Variants in CSMD2 observed in about 807,000 individuals in gnomAD.
The protein encoded by CSMD2 is CUB and Sushi multiple domains 2.
Under a neutral mutation model 398.5 loss-of-function variants are expected in CSMD2, and 130 were observed. That is an observed-to-expected ratio of 0.33 (90% CI 0.28 to 0.38). The LOEUF (loss-of-function observed/expected upper bound fraction) is 0.38. Among genes scored for constraint, CSMD2 ranks in the 10% least tolerant of loss-of-function variants. CSMD2 has a pLI of 1.00. For missense variants in CSMD2, 3,829 were observed against 4,764.9 expected, an observed-to-expected ratio of 0.80 and a Z score of 5.78; for synonymous variants, 1,828 against 1,908.5, an observed-to-expected ratio of 0.96 and a Z score of 1.10.
At chr1:33,671,802 G>A (rs370856586) in intron 25 of CSMD2, among the ~76,000 whole-genome samples, 25 of 152,270 alleles carry the variant, frequency 1.6e-4, no homozygotes, top group South Asian at 1.5e-3. Context: ...GCAGGGGCCC[G>A]TCCCTCTCAA....
intron 25 of CSMD2, among the ~76,000 whole-genome samples, chr1:33,684,989 T>C (rs1287007504): frequency 6.6e-6 from 1 of 152,356 alleles, no homozygotes; most frequent in South Asian, 2.1e-4. Flanking sequence ...CAAAGCAAAA[T>C]TGATTTCCCA....
chr1:33,527,286 CA>C (rs770321719), intron 64 of CSMD2, 28 bp from the exon 65 acceptor site: 2 of 1,593,194 alleles, frequency 1.3e-6, no homozygotes, highest in Non-Finnish European at 1.7e-6. Context: ...TGGAAGAAAA[CA>C]GGTTCAGCTT....
chr1:33,952,912 C>T (rs1034194280), intron 3 of CSMD2, among the ~76,000 whole-genome samples: 1 of 152,154 alleles, frequency 6.6e-6, no homozygotes, highest in Non-Finnish European at 1.5e-5. Context: ...GATTGTCAGC[C>T]ATATGTTTAC....
At chr1:33,854,798 C>T (rs577978987) in intron 5 of CSMD2, among the ~76,000 whole-genome samples, 6 of 152,320 alleles carry the variant, frequency 3.9e-5, no homozygotes, top group African/African-American at 7.2e-5. Context: ...TCCAGATGCA[C>T]GGCTCTCTGG....
chr1:33,938,957 G>C (rs1339422153), intron 3 of CSMD2, among the ~76,000 whole-genome samples: 1 of 151,674 alleles, frequency 6.6e-6, no homozygotes, highest in Non-Finnish European at 1.5e-5. Flanking sequence ...ATCCCATGCT[G>C]CTGGCTTAGT....
intron 3 of CSMD2, among the ~76,000 whole-genome samples, chr1:33,965,253 A>C (rs1321562398): frequency 6.6e-6 from 1 of 152,174 alleles, no homozygotes; most frequent in Non-Finnish European, 1.5e-5. Flanking sequence ...CTCTTGGGGG[A>C]AGGCCTGATA....
At chr1:33,895,328 C>A (rs1642308981) in intron 5 of CSMD2, among the ~76,000 whole-genome samples, 1 of 152,060 alleles carries the variant, frequency 6.6e-6, no homozygotes, top group Non-Finnish European at 1.5e-5. Flanking sequence ...GCACAGAGCA[C>A]CTGGTGGGAA....
chr1:33,902,897 A>G (rs1379828644), intron 5 of CSMD2, among the ~76,000 whole-genome samples: 1 of 151,840 alleles, frequency 6.6e-6, no homozygotes, highest in Non-Finnish European at 1.5e-5. Flanking sequence ...CACTATATGG[A>G]CTCCTGGTGG....
chr1:33,965,616 C>T (rs2125407089), intron 3 of CSMD2, among the ~76,000 whole-genome samples: 1 of 152,248 alleles, frequency 6.6e-6, no homozygotes, highest in East Asian at 1.9e-4. Context: ...GACATCTAGG[C>T]ACAACAACCC....
intron 3 of CSMD2, among the ~76,000 whole-genome samples, chr1:33,973,952 C>G (rs965890460): frequency 1.3e-5 from 2 of 152,200 alleles, no homozygotes; most frequent in Non-Finnish European, 2.9e-5. Flanking sequence ...GAACTGCCCT[C>G]TGCTCAGCCA....
intron 5 of CSMD2, among the ~76,000 whole-genome samples, chr1:33,878,864 T>G (rs1207466530): frequency 6.6e-6 from 1 of 152,236 alleles, no homozygotes; most frequent in Non-Finnish European, 1.5e-5. Flanking sequence ...CTATTGTGCT[T>G]TGTAGTCCTA....
At chr1:34,150,079 C>CTTTTTTT (rs772520303) in intron 1 of CSMD2, among the ~76,000 whole-genome samples, 9 of 138,090 alleles carry the variant, frequency 6.5e-5, no homozygotes, top group African/African-American at 2.4e-4. Flanking sequence ...TTTCTTCTTT[C>CTTTTTTT]TTTTTTTTTT....
At chr1:33,795,304 T>C (rs1380447748) in intron 10 of CSMD2, among the ~76,000 whole-genome samples, 1 of 152,228 alleles carries the variant, frequency 6.6e-6, no homozygotes, top group Non-Finnish European at 1.5e-5. Flanking sequence ...CTGGGTTTCC[T>C]ATCCAGAATG....
intron 3 of CSMD2, among the ~76,000 whole-genome samples, chr1:33,992,903 A>G (rs1646606592): frequency 1.3e-5 from 2 of 151,648 alleles, no homozygotes; most frequent in African/African-American, 4.8e-5. Flanking sequence ...AAGTTAGATA[A>G]CTCATGGCAC....
chr1:34,138,330 G>C (rs1187572379), intron 1 of CSMD2, among the ~76,000 whole-genome samples: 1 of 152,294 alleles, frequency 6.6e-6, no homozygotes, highest in East Asian at 1.9e-4. Flanking sequence ...TCACAAGCTT[G>C]TCACTAAGGT....
intron 2 of CSMD2, among the ~76,000 whole-genome samples, chr1:34,076,920 AAAAAAAAAATATATATATATATAT>A: frequency 9.3e-6 from 1 of 108,058 alleles, no homozygotes; most frequent in South Asian, 3.3e-4. Context: ...AAAAAAAAAA[AAAAAAAAAATATATATATATATAT>A]ATATATATAT....
At chr1:33,625,958 G>A (rs190119158) in intron 33 of CSMD2, among the ~76,000 whole-genome samples, 1 of 152,330 alleles carries the variant, frequency 6.6e-6, no homozygotes, top group Non-Finnish European at 1.5e-5. Flanking sequence ...GCTACTTCCC[G>A]AAGCCTCTTT....
At chr1:33,564,392 T>G (rs1557542987) in intron 53 of CSMD2, among the ~76,000 whole-genome samples, 2 of 152,176 alleles carry the variant, frequency 1.3e-5, no homozygotes, top group African/African-American at 2.4e-5. Context: ...GTTCAATGTC[T>G]TTAGGCCAGG....
intron 3 of CSMD2, among the ~76,000 whole-genome samples, chr1:34,030,663 G>A (rs2148147130): frequency 6.6e-6 from 1 of 152,294 alleles, no homozygotes; most frequent in Admixed American, 6.5e-5. Flanking sequence ...GATCTGCTCT[G>A]CTTAATGAGA....
Sources: gnomAD v4.1 joint callset for allele counts (sites outside exome capture counted in the v4.1 genomes callset) on GRCh38, gnomAD v4.1.1 for gene constraint, MANE v1.5 for transcripts, NCBI Gene and HGNC (gene_info 2026-07-23, HGNC 2026-07-21) for gene names.